Variants in PCP4 observed in about 807,000 individuals in gnomAD.
PCP4 encodes calmodulin regulator protein PCP4.
A neutral mutation model predicts 10.0 loss-of-function variants in PCP4; 8 were observed. The ratio of observed to expected loss-of-function variants is 0.80; its 90% CI spans 0.47 to 1.45. The LOEUF is 1.45. Among genes scored for constraint, PCP4 ranks in the 40% most tolerant of loss-of-function variants. The pLI is 0.00. For missense variants in PCP4, 54 were observed against 74.4 expected (o/e 0.73, Z 1.01); for synonymous variants, 21 against 23.0 (o/e 0.91, Z 0.24).
intron 1 of PCP4, among the ~76,000 whole-genome samples, chr21:39,879,965 G>C (rs2087364761): frequency 6.6e-6 from 1 of 152,176 alleles, no homozygotes; most frequent in Non-Finnish European, 1.5e-5. Context: ...TGGACCGCAT[G>C]GGTCACTCTC....
At chr21:39,904,076 T>C (rs1207405727) in intron 2 of PCP4, among the ~76,000 whole-genome samples, 1 of 152,182 alleles carries the variant, frequency 6.6e-6, no homozygotes, top group Non-Finnish European at 1.5e-5. Context: ...AGTCACTTTC[T>C]TATTTTTCTG....
intron 1 of PCP4, among the ~76,000 whole-genome samples, chr21:39,894,609 G>A (rs893774605): frequency 2.6e-5 from 4 of 152,272 alleles, no homozygotes; most frequent in Admixed American, 6.5e-5. Flanking sequence ...TGATACCATT[G>A]AATCATTTCT....
At chr21:39,890,442 G>A (rs2087424226) in intron 1 of PCP4, among the ~76,000 whole-genome samples, 1 of 151,926 alleles carries the variant, frequency 6.6e-6, no homozygotes, top group Non-Finnish European at 1.5e-5. Context: ...TGCAACCTCT[G>A]CCTCCCAGGT....
chr21:39,887,169 A>T (rs921537022), intron 1 of PCP4, among the ~76,000 whole-genome samples: 32 of 152,216 alleles, frequency 2.1e-4, no homozygotes, highest in African/African-American at 7.5e-4. Context: ...ATGCTAATTA[A>T]TTCTCTTACC....
chr21:39,911,279 G>A (rs2087538787), intron 2 of PCP4, among the ~76,000 whole-genome samples: 1 of 152,054 alleles, frequency 6.6e-6, no homozygotes, highest in Non-Finnish European at 1.5e-5. Context: ...GGGTGAAAAT[G>A]GGAAAATTTA....
rs2087512560 is a variant in PCP4, at chr21:39,906,749, T to C, written c.61+8222T>C. 6.6e-6 allele frequency among the ~76,000 whole-genome samples: 1 copy of C among 152,230 alleles called. No individual in the cohort carries two copies. The highest frequency in any genetic ancestry group is 1.5e-5 in the Non-Finnish European group (1 of 68,042). On this transcript the variant is annotated intron_variant, in intron 2 of 2. Coordinates refer to ENST00000328619, the MANE Select transcript of PCP4 (RefSeq NM_006198.3). The surrounding 1 kb of genome is among the most constrained non-coding windows in gnomAD (Gnocchi z 6.3). ...ACACCTTGGTGAAAAAGTAAAGTTA[T>C]ACATTATTCTCAATGAATTACTCTT...
At chr21:39,917,282 G>A (rs1475658667) in intron 2 of PCP4, among the ~76,000 whole-genome samples, 1 of 152,222 alleles carries the variant, frequency 6.6e-6, no homozygotes, top group African/African-American at 2.4e-5. Context: ...CTGCCCCAGA[G>A]AAACCCAGTA....
Position 39,891,618 on chromosome 21 carries a change from G to A in PCP4, c.10-6858G>A, listed in dbSNP as rs371695595. ...TGGGGGACCACTACCATCAAGGCGCGTAGACCGGCAGTGGCCCCGAACGGC... is the reference window on the plus strand; with the variant it reads ...TGGGGGACCACTACCATCAAGGCGCATAGACCGGCAGTGGCCCCGAACGGC... On this transcript the variant is annotated intron_variant, in intron 1 of 2. Transcript: ENST00000328619. Among the ~76,000 whole-genome samples the A allele has an allele frequency of 5.0e-4, 76 of 152,334 alleles. 2 individuals are homozygous for A. The East Asian group carries it at 0.012, about 24-fold the overall frequency.
intron 1 of PCP4, among the ~76,000 whole-genome samples, chr21:39,887,470 A>G (rs1369586500): frequency 6.6e-6 from 1 of 152,064 alleles, no homozygotes; most frequent in African/African-American, 2.4e-5. Context: ...AGAATTATAG[A>G]TGACAAAAAT....
chr21:39,880,645 A>G (rs574641552), intron 1 of PCP4, among the ~76,000 whole-genome samples: 5 of 152,184 alleles, frequency 3.3e-5, no homozygotes, highest in Non-Finnish European at 2.9e-5. Context: ...GTCTTTTTCT[A>G]TCAAGTCTTT....
intron 1 of PCP4, among the ~76,000 whole-genome samples, chr21:39,882,141 G>A (rs1021037154): frequency 6.6e-6 from 1 of 152,236 alleles, no homozygotes; most frequent in Non-Finnish European, 1.5e-5. Context: ...TGCCGAACTT[G>A]GAGGTCTCAT....
At chr21:39,908,817 G>T (rs1282417328) in intron 2 of PCP4, among the ~76,000 whole-genome samples, 7 of 152,146 alleles carry the variant, frequency 4.6e-5, no homozygotes, top group Non-Finnish European at 1.0e-4. Flanking sequence ...GCTAAGCTTT[G>T]CCTCCACCCC....
intron 1 of PCP4, among the ~76,000 whole-genome samples, chr21:39,878,717 T>C (rs1433326884): frequency 6.6e-6 from 1 of 152,230 alleles, no homozygotes; most frequent in Non-Finnish European, 1.5e-5. Context: ...TGAGAGTATC[T>C]ATCCGTGCTT....
At chr21:39,911,768 G>A (rs1040561109) in intron 2 of PCP4, among the ~76,000 whole-genome samples, 2 of 152,230 alleles carry the variant, frequency 1.3e-5, no homozygotes, top group Non-Finnish European at 2.9e-5. Flanking sequence ...TGATGGCTGT[G>A]TGTGGAAGAG....
intron 1 of PCP4, among the ~76,000 whole-genome samples, chr21:39,870,535 T>G (rs1367906751): frequency 6.6e-6 from 1 of 152,224 alleles, no homozygotes; most frequent in Non-Finnish European, 1.5e-5. Context: ...ACTACCTTTG[T>G]TCAGCCACTT....
intron 1 of PCP4, among the ~76,000 whole-genome samples, chr21:39,885,385 C>G (rs1282172041): frequency 6.6e-6 from 1 of 152,200 alleles, no homozygotes; most frequent in Non-Finnish European, 1.5e-5. Context: ...CTCCCGGTTG[C>G]CCTCCCTCTG....
rs185674131 is a variant in PCP4 at position 39,896,660 on chromosome 21, C to T, written c.10-1816C>T. ...GTCTGCATAATGCAATAAGCATACACGAGGATGGTTCACTTTGTTAATATA... is the reference window on the plus strand; with the variant it reads ...GTCTGCATAATGCAATAAGCATACATGAGGATGGTTCACTTTGTTAATATA... On this transcript the variant is annotated intron_variant, in intron 1 of 2. Coordinates refer to ENST00000328619, the MANE Select transcript of PCP4 (RefSeq NM_006198.3). Among the ~76,000 whole-genome samples the T allele has an allele frequency of 1.1e-3, 172 of 152,226 alleles. 1 individual carries two copies. The South Asian group carries it at 0.013, about 12-fold the overall frequency.
At chr21:39,918,724 C>T (rs1222286508) in intron 2 of PCP4, among the ~76,000 whole-genome samples, 12 of 152,114 alleles carry the variant, frequency 7.9e-5, no homozygotes, top group South Asian at 4.1e-4. Context: ...TGCAATTCTC[C>T]GCACCAGCAG....
At chr21:39,876,379 G>A (rs564706748) in intron 1 of PCP4, among the ~76,000 whole-genome samples, 1 of 152,146 alleles carries the variant, frequency 6.6e-6, no homozygotes, top group African/African-American at 2.4e-5. Flanking sequence ...TTGTCTTTTT[G>A]TGACTGGCTT....
Sources: gnomAD v4.1 joint callset for allele counts (sites outside exome capture counted in the v4.1 genomes callset) on GRCh38, gnomAD v4.1.1 for gene constraint, Gnocchi (gnomAD v3.1) non-coding constraint, MANE v1.5 for transcripts, NCBI Gene and HGNC (gene_info 2026-07-23, HGNC 2026-07-21) for gene names.